KCNT2: variants seen among roughly 807,000 people sequenced by gnomAD.
KCNT2 encodes potassium sodium-activated channel subfamily T member 2, also known as potassium channel subfamily T member 2.
In KCNT2, 67 loss-of-function variants were observed where a neutral mutation model predicts 153.8. The ratio of observed to expected loss-of-function variants is 0.44; its 90% CI spans 0.36 to 0.53. The LOEUF is 0.53. Among genes scored for constraint, KCNT2 ranks in the 20% least tolerant of loss-of-function variants. KCNT2 has a pLI of 0.00. For synonymous variants in KCNT2, 500 were observed against 458.8 expected (o/e 1.09, Z -1.15); for missense variants, 975 against 1,354.8 (o/e 0.72, Z 4.40).
intron 18 of KCNT2, among the ~76,000 whole-genome samples, chr1:196,329,985 T>TATATATATG (rs1664296989): frequency 1.4e-5 from 1 of 73,748 alleles, no homozygotes; most frequent in African/African-American, 8.6e-5. Flanking sequence ...ATATATATAT[T>TATATATATG]TGAATGAGAC....
chr1:196,579,796 T>G (rs745690247), intron 1 of KCNT2, among the ~76,000 whole-genome samples: 1 of 151,916 alleles, frequency 6.6e-6, no homozygotes, highest in Non-Finnish European at 1.5e-5. Flanking sequence ...CTCCTCCCAG[T>G]TAAATTTTTA....
At chr1:196,401,596 G>A (rs1346342521) in intron 12 of KCNT2, among the ~76,000 whole-genome samples, 1 of 151,624 alleles carries the variant, frequency 6.6e-6, no homozygotes, top group Non-Finnish European at 1.5e-5. Context: ...ACAGAAGAAA[G>A]GAGTCAGTGA....
chr1:196,604,386 A>T (rs964304437), intron 1 of KCNT2, among the ~76,000 whole-genome samples: 1 of 152,240 alleles, frequency 6.6e-6, no homozygotes, highest in Admixed American at 6.5e-5. Context: ...ATATTAGCTG[A>T]ATGAATGAAT....
At chr1:196,305,185 C>A (rs1417708957) in intron 22 of KCNT2, 49 bp downstream of exon 22, 1 of 1,080,178 alleles carries the variant, frequency 9.3e-7, no homozygotes, top group South Asian at 1.3e-5. Flanking sequence ...GAGTTAATTT[C>A]TGAATAAAGA....
At chr1:196,597,922 T>G (rs1664280304) in intron 1 of KCNT2, among the ~76,000 whole-genome samples, 1 of 152,150 alleles carries the variant, frequency 6.6e-6, no homozygotes, top group Admixed American at 6.5e-5. Flanking sequence ...TTTCATAACA[T>G]CCCTGCATAG....
chr1:196,303,868 G>T (rs1363080477), intron 22 of KCNT2, among the ~76,000 whole-genome samples: 4 of 152,168 alleles, frequency 2.6e-5, no homozygotes, highest in Non-Finnish European at 5.9e-5. Flanking sequence ...CATCATGCCA[G>T]CACGGATTCC....
chr1:196,535,574 C>CT (rs1189422306), intron 1 of KCNT2, among the ~76,000 whole-genome samples: 1 of 151,974 alleles, frequency 6.6e-6, no homozygotes, highest in Non-Finnish European at 1.5e-5. Flanking sequence ...TTTTTATAAC[C>CT]TTGGTTTTAC....
At chr1:196,444,573 AAAAAGTCAACTGTAAAATGCAT>A (rs547983087) in intron 8 of KCNT2, among the ~76,000 whole-genome samples, 1 of 151,566 alleles carries the variant, frequency 6.6e-6, no homozygotes, top group South Asian at 2.1e-4. Flanking sequence ...ATTTTTCATC[AAAAAGTCAACTGTAAAATGCAT>A]TACTCTGGTG....
intron 14 of KCNT2, among the ~76,000 whole-genome samples, chr1:196,345,887 C>T (rs999342583): frequency 1.3e-5 from 2 of 152,074 alleles, no homozygotes; most frequent in Non-Finnish European, 1.5e-5. Flanking sequence ...GCTTACAAGA[C>T]ATCATGGGGA....
chr1:196,331,314 A>G (rs1412412334), intron 17 of KCNT2, 53 bp from the exon 18 acceptor site: 1 of 890,078 alleles, frequency 1.1e-6, no homozygotes, highest in Non-Finnish European at 1.9e-6. Flanking sequence ...AATTTGAGAA[A>G]TTAAGTTACG....
Position 196,506,305 on chromosome 1 carries a change from A to G in KCNT2, c.96-13964T>C, listed in dbSNP as rs562413484. Among the ~76,000 whole-genome samples the G allele has an allele frequency of 5.5e-4, 84 of 152,316 alleles. 1 individual carries two copies. The highest frequency in any genetic ancestry group is 1.9e-3 in the African/African-American group (79 of 41,588). Reference sequence around the variant, plus strand: ...ATGTAAAATATGCAACAAAGCAATGACAACTCATAACTTTTATAGTGTGTT... The same window carrying G: ...ATGTAAAATATGCAACAAAGCAATGGCAACTCATAACTTTTATAGTGTGTT... On this transcript the variant is annotated intron_variant, in intron 1 of 27. Coordinates refer to ENST00000294725, the MANE Select transcript of KCNT2 (RefSeq NM_198503.5).
chr1:196,527,586 C>T (rs1186457493), intron 1 of KCNT2, among the ~76,000 whole-genome samples: 2 of 152,020 alleles, frequency 1.3e-5, no homozygotes, highest in East Asian at 3.9e-4. Context: ...TCATGGGGAA[C>T]AATATTAATA....
At chr1:196,282,488 C>T in intron 23 of KCNT2, 132 bp from the exon 24 acceptor site, 1 of 526,760 alleles carries the variant, frequency 1.9e-6, no homozygotes, top group Non-Finnish European at 3.4e-6. Flanking sequence ...TTTAACCCTC[C>T]ATACAAAAGT....
chr1:196,506,766 T>C (rs1681179814), intron 1 of KCNT2, among the ~76,000 whole-genome samples: 1 of 152,146 alleles, frequency 6.6e-6, no homozygotes. Context: ...GCAAACATAA[T>C]TTAATTCATT....
At chr1:196,252,840 AG>A (rs1656102005) in intron 26 of KCNT2, among the ~76,000 whole-genome samples, 1 of 151,232 alleles carries the variant, frequency 6.6e-6, no homozygotes, top group South Asian at 2.1e-4. Flanking sequence ...ATAATGTTAT[AG>A]GTGGGCTATT....
At chr1:196,584,373 T>C (rs1443892853) in intron 1 of KCNT2, among the ~76,000 whole-genome samples, 1 of 151,980 alleles carries the variant, frequency 6.6e-6, no homozygotes, top group Non-Finnish European at 1.5e-5. Context: ...ACCTGTGATA[T>C]ATGGGGAGCA....
intron 3 of KCNT2, 130 bp downstream of exon 3, chr1:196,489,708 T>C (rs1679714194): frequency 1.7e-6 from 1 of 580,366 alleles, no homozygotes; most frequent in Non-Finnish European, 3.1e-6. Flanking sequence ...AATCGATCAA[T>C]TTTATTTGTG....
intron 23 of KCNT2, among the ~76,000 whole-genome samples, chr1:196,283,142 C>T (rs992551159): frequency 1.3e-5 from 2 of 152,162 alleles, no homozygotes; most frequent in South Asian, 4.1e-4. Context: ...ACACACCAGG[C>T]CTAAAATTGA....
chr1:196,410,657 G>C (rs1672218090), intron 12 of KCNT2, among the ~76,000 whole-genome samples: 1 of 150,502 alleles, frequency 6.6e-6, no homozygotes, highest in South Asian at 2.1e-4. Flanking sequence ...ATTAGTAGTA[G>C]TCGCTAACTT....
Sources: allele counts gnomAD v4.1 joint callset (sites outside exome capture counted in the v4.1 genomes callset), GRCh38; gene constraint gnomAD v4.1.1; transcripts MANE v1.5; gene names NCBI Gene and HGNC (gene_info 2026-07-23, HGNC 2026-07-21).